Variants in ALMS1 observed in about 807,000 individuals in gnomAD.
ALMS1 encodes centrosome-associated protein ALMS1.
A neutral mutation model predicts 352.2 loss-of-function variants in ALMS1; 271 were observed. The ratio of observed to expected loss-of-function variants is 0.77; its 90% CI spans 0.70 to 0.85. The LOEUF (loss-of-function observed/expected upper bound fraction) is 0.85. Among genes scored for constraint, ALMS1 ranks in the 40% least tolerant of loss-of-function variants. The probability of loss-of-function intolerance (pLI) is 0.00; values close to 1 mark genes in which losing one functional copy is unlikely to be tolerated. For missense variants in ALMS1, 5,445 were observed against 4,870.7 expected (o/e 1.12, Z -3.51); for synonymous variants, 1,865 against 1,761.2 (o/e 1.06, Z -1.48).
chr2:73,438,697 C>T (rs1476138928), intron 7 of ALMS1, among the ~76,000 whole-genome samples: 3 of 152,112 alleles, frequency 2.0e-5, no homozygotes, highest in Non-Finnish European at 4.4e-5. Context: ...AAGGATGGTA[C>T]CTCATGGAAT....
At chr2:73,423,010 T>G (rs1274670360) in intron 4 of ALMS1, 36 bp downstream of exon 4, 1 of 1,530,852 alleles carries the variant, frequency 6.5e-7, no homozygotes, top group East Asian at 2.3e-5. Flanking sequence ...CTTTCTCACT[T>G]CTTGTTCTAT....
intron 10 of ALMS1, among the ~76,000 whole-genome samples, chr2:73,504,478 G>A (rs1673280042): frequency 6.6e-6 from 1 of 151,968 alleles, no homozygotes; most frequent in Admixed American, 6.6e-5. Flanking sequence ...GTATAATTTT[G>A]TCATTTTGAG....
intron 10 of ALMS1, among the ~76,000 whole-genome samples, chr2:73,491,891 C>G (rs2103898189): frequency 6.6e-6 from 1 of 152,314 alleles, no homozygotes. Context: ...CCCTCTCTCT[C>G]TCTCTTCTCC....
chr2:73,564,792 G>A (rs1674769229), intron 15 of ALMS1, among the ~76,000 whole-genome samples: 1 of 152,176 alleles, frequency 6.6e-6, no homozygotes, highest in Admixed American at 6.5e-5. Context: ...AGATAAACAC[G>A]TCCATGTAGA....
rs748397071 is a variant in ALMS1 at position 73,557,304 on chromosome 2, C to T, written c.10163C>T (p.Thr3388Ile). The change falls in exon 14 of 23, where the codon ACT (threonine) becomes ATT (isoleucine). Residue 3388 changes from threonine to isoleucine, a missense_variant. By Grantham distance (89) the Thr-to-Ile change is moderately conservative. Transcript: ENST00000613296. Reference protein sequence around the residue: ...QQEIHSTRAVTEAAQAKEKES... With the variant: ...QQEIHSTRAVIEAAQAKEKES... The stretch of plus-strand genomic sequence containing the variant: ...GAGATTCACAGTACAAGGGCAGTGA[C>T]TGAGGCTGCCCAGGCTAAAGAAAAA... 4 of 1,614,162 alleles carry T rather than the reference C, an allele frequency of 2.5e-6. No homozygotes were observed. In the South Asian group the frequency reaches 3.3e-5, roughly 13 times the overall value.
chr2:73,397,920 A>G (rs1572898889), intron 1 of ALMS1, among the ~76,000 whole-genome samples: 2 of 152,314 alleles, frequency 1.3e-5, no homozygotes, highest in Non-Finnish European at 1.5e-5. Context: ...CTTCCAGTCT[A>G]TAGCTTGTCT....
At chr2:73,548,816 C>T (rs1157928673) in intron 12 of ALMS1, among the ~76,000 whole-genome samples, 1 of 151,880 alleles carries the variant, frequency 6.6e-6, no homozygotes, top group African/African-American at 2.4e-5. Context: ...CCTTGGTGGT[C>T]GATAAGTTTA....
intron 11 of ALMS1, 121 bp downstream of exon 11, chr2:73,520,137 A>G: frequency 8.0e-7 from 1 of 1,245,664 alleles, no homozygotes; most frequent in Non-Finnish European, 1.2e-6. Context: ...ATTAGGGTCC[A>G]TATGATTATA....
intron 9 of ALMS1, among the ~76,000 whole-genome samples, chr2:73,484,057 C>T (rs1349020741): frequency 6.6e-6 from 1 of 151,748 alleles, no homozygotes; most frequent in Admixed American, 6.6e-5. Context: ...TTAATTGGAG[C>T]ATTTAGTCCA....
rs552747182 is a variant in ALMS1, at chr2:73,462,357, A to T, written c.7674+7062A>T. Among the ~76,000 whole-genome samples, 5 of 152,334 alleles carry T rather than the reference A, an allele frequency of 3.3e-5. No individual in the cohort carries two copies. In the South Asian group the frequency reaches 1.0e-3, roughly 32 times the overall value. On this transcript the variant is annotated intron_variant, in intron 9 of 22. Coordinates refer to ENST00000613296, the MANE Select transcript of ALMS1 (RefSeq NM_001378454.1). ...CAGAATTTCATATCCAGCGAAACTA[A>T]GCTTCATAAGTGAAGGAGAAATAAA...
At chr2:73,591,380 G>T (rs1198873544) in intron 16 of ALMS1, among the ~76,000 whole-genome samples, 1 of 152,030 alleles carries the variant, frequency 6.6e-6, no homozygotes, top group African/African-American at 2.4e-5. Context: ...TGCCAATAAA[G>T]ATTTTTAAAT....
intron 16 of ALMS1, among the ~76,000 whole-genome samples, chr2:73,597,337 A>G (rs1488242491): frequency 6.6e-6 from 1 of 151,990 alleles, no homozygotes; most frequent in Non-Finnish European, 1.5e-5. Context: ...ATTCCTTAGT[A>G]TTTTCTACAA....
chr2:73,446,912 G>A (rs896036842), intron 7 of ALMS1, among the ~76,000 whole-genome samples: 12 of 152,016 alleles, frequency 7.9e-5, no homozygotes, highest in Admixed American at 2.0e-4. Flanking sequence ...TTTGCAACTC[G>A]GTTTCCCTAT....
At chr2:73,408,364 T>C (rs575312078) in intron 1 of ALMS1, among the ~76,000 whole-genome samples, 3 of 152,214 alleles carry the variant, frequency 2.0e-5, no homozygotes, top group Admixed American at 2.0e-4. Context: ...AATAGACAAC[T>C]TGCTTGTTTC....
chr2:73,588,757 A>G (rs887824825), intron 16 of ALMS1, among the ~76,000 whole-genome samples: 1 of 152,186 alleles, frequency 6.6e-6, no homozygotes, highest in African/African-American at 2.4e-5. Flanking sequence ...AACACAAGCA[A>G]ACTACCAAAC....
At chr2:73,457,287 A>G (rs2103802540) in intron 9 of ALMS1, 1 of 152,302 alleles carries the variant, frequency 6.6e-6, no homozygotes, top group East Asian at 1.9e-4. Flanking sequence ...GCTGGACTGC[A>G]GTGGCATGAT....
intron 9 of ALMS1, among the ~76,000 whole-genome samples, chr2:73,474,151 A>T (rs1381260144): frequency 6.6e-6 from 1 of 150,742 alleles, no homozygotes. Flanking sequence ...TTTTTTTTTT[A>T]AATCTGGTTT....
In ALMS1 at chr2:73,574,746, T is replaced by TTG. The variant is rs536555376; in HGVS notation, c.11547+1332_11547+1333dup. On this transcript the variant is annotated intron_variant, in intron 16 of 22. Transcript: ENST00000613296. Reference sequence around the variant, plus strand: ...TAGATAAATGGATCCAGGAGAGGGTTTGTGTGTGTGTAGTAAAATACACAT... The same window carrying TTG: ...TAGATAAATGGATCCAGGAGAGGGTTTGTGTGTGTGTGTAGTAAAATACACAT... 2.0e-3 allele frequency among the ~76,000 whole-genome samples: 312 copies of TTG among 152,262 alleles called. 1 individual carries two copies. Among genetic ancestry groups the TTG allele is most frequent in the Admixed American group, 5.6e-3 (86 of 15,282 alleles).
intron 9 of ALMS1, among the ~76,000 whole-genome samples, chr2:73,456,604 A>ATGAAAT (rs1672071878): frequency 6.6e-6 from 1 of 152,176 alleles, no homozygotes; most frequent in Admixed American, 6.5e-5. Context: ...TCATGGCCTG[A>ATGAAAT]TTCATACAAA....
Sources: gnomAD v4.1 joint callset for allele counts (sites outside exome capture counted in the v4.1 genomes callset) on GRCh38, gnomAD v4.1.1 for gene constraint, MANE v1.5 for transcripts, NCBI Gene and HGNC (gene_info 2026-07-23, HGNC 2026-07-21) for gene names.